Variants in SORCS2 observed in about 807,000 individuals in gnomAD.
SORCS2 encodes sortilin related VPS10 domain containing receptor 2, also known as VPS10 domain-containing receptor SorCS2.
Under a neutral mutation model 141.6 loss-of-function variants are expected in SORCS2, and 100 were observed. The ratio of observed to expected loss-of-function variants is 0.71; its 90% CI spans 0.60 to 0.83. SORCS2 has a LOEUF of 0.83. Ranked by LOEUF, SORCS2 falls within the 40% of genes least tolerant of loss-of-function variation. SORCS2 has a pLI of 0.00. For missense variants in SORCS2, 1,646 were observed against 1,560.2 expected, an observed-to-expected ratio of 1.05 and a Z score of -0.93; for synonymous variants, 789 against 676.9, an observed-to-expected ratio of 1.17 and a Z score of -2.57.
intron 1 of SORCS2, among the ~76,000 whole-genome samples, chr4:7,219,741 G>A (rs376648145): frequency 5.3e-5 from 8 of 152,278 alleles, no homozygotes; most frequent in Admixed American, 4.6e-4. Flanking sequence ...GGGGATCGTG[G>A]GAACTACAAT....
chr4:7,416,371 T>C (rs1045849205), intron 2 of SORCS2, among the ~76,000 whole-genome samples: 1 of 152,102 alleles, frequency 6.6e-6, no homozygotes, highest in Non-Finnish European at 1.5e-5. Flanking sequence ...CACAGTTGAG[T>C]GCAAAGTCCA....
intron 2 of SORCS2, among the ~76,000 whole-genome samples, chr4:7,484,098 A>G (rs899501899): frequency 1.3e-5 from 2 of 152,198 alleles, no homozygotes; most frequent in Non-Finnish European, 2.9e-5. Context: ...GTTTCCTAGA[A>G]AACACAGTGC....
rs1553904098 is a variant in SORCS2 at position 7,685,688 on chromosome 4, A to ATATATATATATAT, written c.1488+2799_1488+2800insTATATATATATAT. Among the ~76,000 whole-genome samples the ATATATATATATAT allele has an allele frequency of 7.7e-3, 1,157 of 149,670 alleles. 16 individuals are homozygous for ATATATATATATAT. The highest frequency in any genetic ancestry group is 0.028 in the African/African-American group (1,117 of 40,310). Reference sequence around the variant, plus strand: ...TCCACCTCAAAAATTAAAATAAATAAATATATATATATATGACAGCCGTAT... The same window carrying ATATATATATATAT: ...TCCACCTCAAAAATTAAAATAAATAATATATATATATATATATATATATATATGACAGCCGTAT... On this transcript the variant is annotated intron_variant, in intron 10 of 26. Coordinates refer to ENST00000507866, the MANE Select transcript of SORCS2 (RefSeq NM_020777.3).
At chr4:7,551,555 C>T (rs1402815735) in intron 3 of SORCS2, among the ~76,000 whole-genome samples, 1 of 152,200 alleles carries the variant, frequency 6.6e-6, no homozygotes, top group Admixed American at 6.5e-5. Context: ...TGGGCTGAGG[C>T]CACTGCCCCA....
At chr4:7,325,434 G>A (rs896836180) in intron 1 of SORCS2, among the ~76,000 whole-genome samples, 3 of 152,188 alleles carry the variant, frequency 2.0e-5, no homozygotes, top group African/African-American at 7.2e-5. Flanking sequence ...AGGCAAGAAG[G>A]AACAGCTGGA....
In SORCS2 at chr4:7,566,041, TGATGGC is replaced by T. The variant is rs1424359433; in HGVS notation, c.648+34418_648+34423del. ...GTGATGATGGTGATAATGATAGTGA[TGATGGC>T]GATGGTGATGATGATGATGGTGATG... On this transcript the variant is annotated intron_variant, in intron 3 of 26. Coordinates refer to ENST00000507866, the MANE Select transcript of SORCS2 (RefSeq NM_020777.3). Among the ~76,000 whole-genome samples the T allele has an allele frequency of 2.3e-4, 34 of 145,730 alleles. 2 individuals carry two copies. Among genetic ancestry groups the T allele is most frequent in the Admixed American group, 8.1e-4 (12 of 14,764 alleles).
intron 3 of SORCS2, among the ~76,000 whole-genome samples, chr4:7,546,328 C>T (rs1223752273): frequency 2.0e-5 from 3 of 152,154 alleles, no homozygotes; most frequent in Non-Finnish European, 2.9e-5. Flanking sequence ...TCCCCTTCCC[C>T]GGCACCGGCG....
At chr4:7,503,745 G>A (rs534281705) in intron 2 of SORCS2, among the ~76,000 whole-genome samples, 1 of 152,208 alleles carries the variant, frequency 6.6e-6, no homozygotes, top group Non-Finnish European at 1.5e-5. Context: ...GGCTAATGCA[G>A]GCCCAGAATG....
chr4:7,239,221 C>T (rs1298729233), intron 1 of SORCS2, among the ~76,000 whole-genome samples: 2 of 152,240 alleles, frequency 1.3e-5, no homozygotes, highest in Non-Finnish European at 2.9e-5. Flanking sequence ...AGGGGGACCT[C>T]CTCCTCACTC....
At chr4:7,341,864 T>G (rs1720386698) in intron 1 of SORCS2, among the ~76,000 whole-genome samples, 1 of 152,222 alleles carries the variant, frequency 6.6e-6, no homozygotes, top group South Asian at 2.1e-4. Flanking sequence ...TTTCTCCTCC[T>G]TCTAGTCCCT....
intron 23 of SORCS2, among the ~76,000 whole-genome samples, chr4:7,731,386 A>G (rs985952269): frequency 2.6e-5 from 4 of 152,346 alleles, no homozygotes; most frequent in Middle Eastern, 3.4e-3. Flanking sequence ...AGATGTCCAT[A>G]CTACCTAAAG....
At chr4:7,378,356 G>C (rs1208618436) in intron 1 of SORCS2, among the ~76,000 whole-genome samples, 1 of 152,064 alleles carries the variant, frequency 6.6e-6, no homozygotes, top group East Asian at 2.0e-4. Context: ...AAATACCCGA[G>C]ACTGGGTAAT....
At chr4:7,655,920 A>G (rs10018330) in intron 5 of SORCS2, among the ~76,000 whole-genome samples, 1 of 152,140 alleles carries the variant, frequency 6.6e-6, no homozygotes, top group Non-Finnish European at 1.5e-5. Flanking sequence ...CGATAATTCA[A>G]ACGTGTTATT....
intron 3 of SORCS2, among the ~76,000 whole-genome samples, chr4:7,603,810 G>A (rs1163423159): frequency 6.6e-6 from 1 of 152,102 alleles, no homozygotes; most frequent in African/African-American, 2.4e-5. Context: ...CTCCTCTGGG[G>A]GAATCCTGGG....
chr4:7,691,359 T>A (rs1300802717), intron 11 of SORCS2, among the ~76,000 whole-genome samples: 1 of 152,170 alleles, frequency 6.6e-6, no homozygotes, highest in Non-Finnish European at 1.5e-5. Flanking sequence ...AGGAATGGCC[T>A]TCTGGGTGGA....
chr4:7,212,421 A>G (rs1230018110), intron 1 of SORCS2, among the ~76,000 whole-genome samples: 1 of 152,224 alleles, frequency 6.6e-6, no homozygotes, highest in Non-Finnish European at 1.5e-5. Flanking sequence ...CAACTAGCTG[A>G]AGTGAAAAAT....
chr4:7,636,279 G>A (rs576158623), intron 3 of SORCS2, among the ~76,000 whole-genome samples: 1 of 152,328 alleles, frequency 6.6e-6, no homozygotes, highest in East Asian at 1.9e-4. Flanking sequence ...AACCACGTCC[G>A]GTACAGCCAC....
At chr4:7,419,264 G>T (rs1725887798) in intron 2 of SORCS2, among the ~76,000 whole-genome samples, 1 of 152,146 alleles carries the variant, frequency 6.6e-6, no homozygotes, top group Non-Finnish European at 1.5e-5. Context: ...CAGGAGACAG[G>T]CAGTTCCATA....
At chr4:7,516,819 C>A (rs1733014486) in intron 2 of SORCS2, among the ~76,000 whole-genome samples, 1 of 152,202 alleles carries the variant, frequency 6.6e-6, no homozygotes, top group African/African-American at 2.4e-5. Context: ...TTTGCAGGTA[C>A]AGGTGTGAGA....
Sources: gnomAD v4.1 joint callset for allele counts (sites outside exome capture counted in the v4.1 genomes callset) on GRCh38, gnomAD v4.1.1 for gene constraint, MANE v1.5 for transcripts, NCBI Gene and HGNC (gene_info 2026-07-23, HGNC 2026-07-21) for gene names.